TNIK: variants seen among roughly 807,000 people sequenced by gnomAD.
TNIK encodes the protein TRAF2 and NCK-interacting protein kinase.
A neutral mutation model predicts 191.3 loss-of-function variants in TNIK; 49 were observed. That is an observed-to-expected ratio of 0.26 (90% CI 0.20 to 0.32). The LOEUF (loss-of-function observed/expected upper bound fraction) is 0.32, where lower values mean the gene tolerates loss of function less well. TNIK is among the 10% of genes least tolerant of loss of function. The pLI is 1.00. For synonymous variants in TNIK, 594 were observed against 600.9 expected, an observed-to-expected ratio of 0.99 and a Z score of 0.17; for missense variants, 1,155 against 1,702.3, an observed-to-expected ratio of 0.68 and a Z score of 5.66.
At chr3:171,083,949 C>A (rs1203251184) in intron 26 of TNIK, among the ~76,000 whole-genome samples, 7 of 152,062 alleles carry the variant, frequency 4.6e-5, no homozygotes, top group Non-Finnish European at 1.0e-4. Flanking sequence ...ATCTCGTCTT[C>A]CTGGCTAGTA....
At chr3:171,139,590 C>G in intron 13 of TNIK, 34 bp from the exon 14 acceptor site, 1 of 1,604,686 alleles carries the variant, frequency 6.2e-7, no homozygotes, top group Non-Finnish European at 8.5e-7. Flanking sequence ...TTCAGAGGAA[C>G]AGAAAGAAAG....
chr3:171,202,824 A>G (rs940534043), intron 4 of TNIK, among the ~76,000 whole-genome samples: 6 of 152,206 alleles, frequency 3.9e-5, no homozygotes, highest in African/African-American at 1.4e-4. Flanking sequence ...ACTGTTTACA[A>G]TCATTCCTCT....
chr3:171,284,613 A>AT (rs149221510), intron 2 of TNIK, among the ~76,000 whole-genome samples: 31,004 of 151,876 alleles, frequency 0.2, 3,416 homozygotes, highest in South Asian at 0.25. Flanking sequence ...CATGCTAAAA[A>AT]AAAAATAAAA....
chr3:171,068,985 G>T lies in TNIK; in HGVS notation c.3562C>A (p.Leu1188Ile). 1.2e-6 allele frequency: 2 copies of T among 1,612,318 alleles called. No homozygotes were observed. Among genetic ancestry groups the T allele is most frequent in the African/African-American group, 2.7e-5 (2 of 74,992 alleles). Residue 1188 changes from leucine to isoleucine, a missense_variant, in exon 30 of 33, where the codon CTC (leucine) becomes ATC (isoleucine). Coordinates refer to ENST00000436636, the MANE Select transcript of TNIK (RefSeq NM_015028.4). The part of the protein sequence containing the change: ...KFMAFKSFAD[L>I]QHKPLLVDLT... ...TCAACTAGCAGAGGCTTGTGCTGGA[G>T]ATCTGCAAAAGACTTTAAAAATCAC...
rs143118309 is a variant in TNIK at position 171,091,376 on chromosome 3, G to A, written c.2721+2463C>T. On this transcript the variant is annotated intron_variant, in intron 23 of 32. Transcript: ENST00000436636. ...AGGATTTATACCAACAGCTTCCCTGGGTCTCCAGCTTGCATATGGCAGATC... is the reference window on the plus strand; with the variant it reads ...AGGATTTATACCAACAGCTTCCCTGAGTCTCCAGCTTGCATATGGCAGATC... Among the ~76,000 whole-genome samples, 165 of 152,104 alleles carry A rather than the reference G, an allele frequency of 1.1e-3. 2 individuals carry two copies. The East Asian group carries it at 0.03, about 28-fold the overall frequency.
intron 11 of TNIK, 149 bp downstream of exon 11, chr3:171,161,121 A>G (rs1053508097): frequency 7.5e-6 from 5 of 669,324 alleles, no homozygotes; most frequent in South Asian, 2.8e-5. Context: ...AATTTTCCCA[A>G]ATTAATGAGT....
At chr3:171,302,838 G>A (rs567408144) in intron 2 of TNIK, among the ~76,000 whole-genome samples, 8 of 152,208 alleles carry the variant, frequency 5.3e-5, no homozygotes, top group African/African-American at 1.7e-4. Context: ...AGGAAATATA[G>A]AGCTATTTCC....
intron 2 of TNIK, among the ~76,000 whole-genome samples, chr3:171,283,094 A>T (rs922831891): frequency 6.6e-6 from 1 of 152,096 alleles, no homozygotes; most frequent in Non-Finnish European, 1.5e-5. Flanking sequence ...CAAATTGTGT[A>T]AACTGGATAT....
intron 21 of TNIK, among the ~76,000 whole-genome samples, chr3:171,105,630 C>T (rs1461009441): frequency 6.6e-6 from 1 of 152,112 alleles, no homozygotes; most frequent in Non-Finnish European, 1.5e-5. Context: ...CGTATACCTC[C>T]ATTGCCCCCT....
At chr3:171,437,184 C>T (rs1430085740) in intron 1 of TNIK, among the ~76,000 whole-genome samples, 2 of 152,154 alleles carry the variant, frequency 1.3e-5, no homozygotes, top group African/African-American at 4.8e-5. Context: ...CAGCTGATTA[C>T]TGTAAAGTGC....
rs148382192 is a variant in TNIK at position 171,396,403 on chromosome 3, G to A, written c.58-26718C>T. Among the ~76,000 whole-genome samples, 915 of 152,234 alleles carry A rather than the reference G, an allele frequency of 6.0e-3. 2 individuals are homozygous for A. The highest frequency in any genetic ancestry group is 0.011 in the Admixed American group (168 of 15,292). ...CTGTCTTTAGGCTATTACAAATAACGCTGCTATGAACATTTGTGCACAACT... is the reference window on the plus strand; with the variant it reads ...CTGTCTTTAGGCTATTACAAATAACACTGCTATGAACATTTGTGCACAACT... On this transcript the variant is annotated intron_variant, in intron 1 of 32. Coordinates refer to ENST00000436636, the MANE Select transcript of TNIK (RefSeq NM_015028.4).
chr3:171,071,355 C>T (rs1462693405), intron 28 of TNIK, 32 bp from the exon 29 acceptor site: 7 of 1,415,562 alleles, frequency 4.9e-6, no homozygotes, highest in Admixed American at 2.1e-5. Flanking sequence ...TGAAAAAGTA[C>T]ATCAATTTAC....
At position 171,320,894 on chromosome 3, in the gene TNIK, C is replaced by T. The variant is rs1755102145; in HGVS notation, c.123+48726G>A. 3.3e-5 allele frequency among the ~76,000 whole-genome samples: 5 copies of T among 152,292 alleles called. No homozygotes were observed. The South Asian group carries it at 1.0e-3, about 32-fold the overall frequency. ...CCACTCCTGCTGGCTTGCCTAAACA[C>T]AGGACTGGCTGTATTTCCCCATCCC... On this transcript the variant is annotated intron_variant, in intron 2 of 32. Coordinates refer to ENST00000436636, the MANE Select transcript of TNIK (RefSeq NM_015028.4).
At chr3:171,444,852 T>G (rs1209091296) in intron 1 of TNIK, among the ~76,000 whole-genome samples, 1 of 152,134 alleles carries the variant, frequency 6.6e-6, no homozygotes, top group Non-Finnish European at 1.5e-5. Context: ...TACCCAAATT[T>G]CCATGAATAT....
chr3:171,375,892 CA>C (rs1717147053), intron 1 of TNIK, among the ~76,000 whole-genome samples: 4 of 152,260 alleles, frequency 2.6e-5, no homozygotes, highest in Admixed American at 2.6e-4. Context: ...CTCTTAAAGA[CA>C]CAGCCGTTCT....
At position 171,159,635 on chromosome 3, in the gene TNIK, A is replaced by G. The variant is rs1425492607; in HGVS notation, c.1016+1635T>C. Among the ~76,000 whole-genome samples, 2 of 152,206 alleles carry G rather than the reference A, an allele frequency of 1.3e-5. No homozygotes were observed. Among genetic ancestry groups the G allele is most frequent in the Non-Finnish European group, 2.9e-5 (2 of 68,038 alleles). ...ATGCACACGAGGATGCTCCATTAAT[A>G]TTAATTGATATTGAATCAATGTCAG... On this transcript the variant is annotated intron_variant, in intron 11 of 32. Coordinates refer to ENST00000436636, the MANE Select transcript of TNIK (RefSeq NM_015028.4). This position sits in a 1 kb window ranked among gnomAD's most constrained non-coding sequence, Gnocchi z 4.1.
At chr3:171,064,209 A>G (rs1718136683) in intron 32 of TNIK, among the ~76,000 whole-genome samples, 1 of 152,204 alleles carries the variant, frequency 6.6e-6, no homozygotes, top group Admixed American at 6.5e-5. Context: ...AAGGGGCTAT[A>G]TCTTCATTTG....
chr3:171,407,162 G>C (rs1313766582), intron 1 of TNIK, among the ~76,000 whole-genome samples: 1 of 152,200 alleles, frequency 6.6e-6, no homozygotes, highest in Non-Finnish European at 1.5e-5. Flanking sequence ...AAAAGTCGAA[G>C]GAGCTGATGA....
At chr3:171,274,529 A>C (rs921709739) in intron 2 of TNIK, among the ~76,000 whole-genome samples, 5 of 152,234 alleles carry the variant, frequency 3.3e-5, no homozygotes, top group African/African-American at 1.2e-4. Context: ...AAAGTAATAT[A>C]AAAATGTTAT....
Sources: gnomAD v4.1 joint callset for allele counts (sites outside exome capture counted in the v4.1 genomes callset) on GRCh38, gnomAD v4.1.1 for gene constraint, Gnocchi (gnomAD v3.1) non-coding constraint, MANE v1.5 for transcripts, NCBI Gene and HGNC (gene_info 2026-07-23, HGNC 2026-07-21) for gene names.